The following CLSTN1 variants were observed in gnomAD, a reference collection of about 807,000 sequenced individuals.
The protein encoded by CLSTN1 is calsyntenin 1.
CLSTN1 carries 28 observed loss-of-function variants against 108.3 expected under a neutral mutation model. The ratio of observed to expected loss-of-function variants is 0.26; its 90% CI spans 0.19 to 0.35. The LOEUF (loss-of-function observed/expected upper bound fraction) is 0.35, where lower values mean the gene tolerates loss of function less well. Among genes scored for constraint, CLSTN1 ranks in the 10% least tolerant of loss-of-function variants. The pLI, the probability that CLSTN1 is intolerant of heterozygous loss-of-function variation, is 1.00. For missense variants in CLSTN1, 1,157 were observed against 1,302.6 expected (o/e 0.89, Z 1.72); for synonymous variants, 524 against 534.9 (o/e 0.98, Z 0.28).
At chr1:9,735,685 C>G in intron 12 of CLSTN1, 70 bp from the exon 13 acceptor site, 1 of 1,594,448 alleles carries the variant, frequency 6.3e-7, no homozygotes, top group South Asian at 1.1e-5. Context: ...CCACAGATGC[C>G]TCCACAAAGG....
intron 2 of CLSTN1, among the ~76,000 whole-genome samples, chr1:9,757,185 G>A (rs1465398532): frequency 6.6e-6 from 1 of 151,708 alleles, no homozygotes; most frequent in Non-Finnish European, 1.5e-5. Context: ...CTCTCAGCTA[G>A]ATTCTGGTAA....
intron 4 of CLSTN1, among the ~76,000 whole-genome samples, chr1:9,754,103 G>A (rs1331267905): frequency 2.0e-5 from 3 of 152,098 alleles, no homozygotes; most frequent in African/African-American, 7.2e-5. Context: ...CACTGCACCT[G>A]GCCAACAATG....
chr1:9,759,319 A>T (rs540950188), intron 2 of CLSTN1, among the ~76,000 whole-genome samples: 1 of 152,258 alleles, frequency 6.6e-6, no homozygotes, highest in Non-Finnish European at 1.5e-5. Flanking sequence ...TCTGTTGCCC[A>T]GGCTGGAGTG....
At chr1:9,814,653 TAATC>T (rs1462486841) in intron 1 of CLSTN1, among the ~76,000 whole-genome samples, 1 of 152,226 alleles carries the variant, frequency 6.6e-6, no homozygotes, top group East Asian at 1.9e-4. Flanking sequence ...CTCACGCCTA[TAATC>T]GCAGCACTTT....
chr1:9,776,845 CTATCATCTATCAGCATT>C lies in CLSTN1; in HGVS notation c.92-3468_92-3452del, dbSNP rs1453823669. ...TTATCTATCATCTATCAGCATTTAT[CTATCATCTATCAGCATT>C]TATCTATCTATCTATCTATCTATCT... On this transcript the variant is annotated intron_variant, in intron 1 of 18. Transcript: ENST00000377298. Among the ~76,000 whole-genome samples the C allele has an allele frequency of 1.7e-4, 26 of 149,126 alleles. No homozygotes were observed. The South Asian group carries it at 2.8e-3, about 16-fold the overall frequency.
intron 2 of CLSTN1, among the ~76,000 whole-genome samples, chr1:9,762,560 C>G (rs936484274): frequency 6.9e-6 from 1 of 145,422 alleles, no homozygotes; most frequent in African/African-American, 2.5e-5. Flanking sequence ...CGGCTCCGCT[C>G]CACTCGGCCT....
At chr1:9,733,781 T>C (rs1188897256) in intron 15 of CLSTN1, among the ~76,000 whole-genome samples, 191 bp downstream of exon 15, 1 of 152,202 alleles carries the variant, frequency 6.6e-6, no homozygotes, top group Non-Finnish European at 1.5e-5. Context: ...GAGTAGTGGC[T>C]ACACATCCGG....
At chr1:9,811,953 C>T (rs1654777050) in intron 1 of CLSTN1, among the ~76,000 whole-genome samples, 1 of 152,014 alleles carries the variant, frequency 6.6e-6, no homozygotes, top group Non-Finnish European at 1.5e-5. Flanking sequence ...CTGGCTAACA[C>T]AGTTAAACCC....
In CLSTN1 at chr1:9,795,396, C is replaced by T. The variant is rs554672683; in HGVS notation, c.92-22002G>A. On this transcript the variant is annotated intron_variant, in intron 1 of 18. Transcript: ENST00000377298. ...GGTCAGGATGGTCTGAAACTCCCAA[C>T]CTCAGGTGATCTGCCCGCCTCAGCC... Among the ~76,000 whole-genome samples the T allele has an allele frequency of 2.0e-5, 3 of 151,244 alleles. 1 individual carries two copies. The highest frequency in any genetic ancestry group is 1.3e-4 in the Admixed American group (2 of 14,884).
At chr1:9,781,576 T>C (rs1383073442) in intron 1 of CLSTN1, among the ~76,000 whole-genome samples, 1 of 151,854 alleles carries the variant, frequency 6.6e-6, no homozygotes, top group Non-Finnish European at 1.5e-5. Flanking sequence ...CCCAAGTAGC[T>C]GGGATTACAG....
chr1:9,784,172 C>CA (rs34315931), intron 1 of CLSTN1, among the ~76,000 whole-genome samples: 12,018 of 83,490 alleles, frequency 0.14, 749 homozygotes, highest in Middle Eastern at 0.2. Flanking sequence ...AACTCTATCT[C>CA]AAAAAAAAAA....
intron 1 of CLSTN1, 61 bp from the exon 2 acceptor site, chr1:9,773,455 A>T: frequency 1.4e-6 from 2 of 1,467,358 alleles, no homozygotes; most frequent in Non-Finnish European, 9.2e-7. Context: ...CAACTCCACT[A>T]CTTTTGAAGA....
chr1:9,820,517 A>T lies in CLSTN1; in HGVS notation c.91+3126T>A, dbSNP rs140459414. The stretch of plus-strand genomic sequence containing the variant: ...CTGGGTGACAGAATGAGACTCTGTC[A>T]CAAAAACAAAAACAAACAAAAAAAA... On this transcript the variant is annotated intron_variant, in intron 1 of 18. Transcript: ENST00000377298. 8.4e-3 allele frequency among the ~76,000 whole-genome samples: 1,280 copies of T among 152,128 alleles called. 19 individuals are homozygous for T. The highest frequency in any genetic ancestry group is 0.043 in the East Asian group (223 of 5,176).
At chr1:9,778,298 T>C (rs1409428544) in intron 1 of CLSTN1, among the ~76,000 whole-genome samples, 1 of 151,338 alleles carries the variant, frequency 6.6e-6, no homozygotes. Flanking sequence ...GCCTTTTCAT[T>C]CTCTAATTCC....
At chr1:9,801,520 T>C (rs1274599859) in intron 1 of CLSTN1, among the ~76,000 whole-genome samples, 1 of 152,194 alleles carries the variant, frequency 6.6e-6, no homozygotes, top group Non-Finnish European at 1.5e-5. Flanking sequence ...GCAAAGGGAA[T>C]ACTTCCTAAC....
rs1652102634 is a variant in CLSTN1, at chr1:9,762,096, A to AG, written c.215-5587dup. 5.3e-5 allele frequency among the ~76,000 whole-genome samples: 8 copies of AG among 152,256 alleles called. No individual in the cohort carries two copies. The South Asian group carries it at 1.5e-3, about 28-fold the overall frequency. On this transcript the variant is annotated intron_variant, in intron 2 of 18. Coordinates refer to ENST00000377298, the MANE Select transcript of CLSTN1 (RefSeq NM_001009566.3). ...GGGAGGGGCACCTGTTCACTTGGCT[A>AG]GGGGAAGCTGGGTAACAGGTTGTAG... is the stretch of plus-strand genomic sequence containing the variant.
At chr1:9,737,670 C>T in intron 10 of CLSTN1, 116 bp from the exon 11 acceptor site, 1 of 862,164 alleles carries the variant, frequency 1.2e-6, no homozygotes, top group South Asian at 1.5e-5. Flanking sequence ...AGAAAATTCC[C>T]TCGTGATCCC....
chr1:9,734,174 T>C lies in CLSTN1; in HGVS notation c.2111-32A>G. ...AAGAGGCCCAACCAGAAATATTAAG[T>C]AGGGGCAGTGGGGCCCAGCGTGGCG... On this transcript the variant is annotated intron_variant, in intron 14 of 18. Coordinates refer to ENST00000377298, the MANE Select transcript of CLSTN1 (RefSeq NM_001009566.3). The surrounding 1 kb of genome is among the most constrained non-coding windows in gnomAD (Gnocchi z 4.8). 2 of 1,610,656 alleles carry C rather than the reference T, an allele frequency of 1.2e-6. No individual in the cohort carries two copies. Among genetic ancestry groups the C allele is most frequent in the African/African-American group, 1.3e-5 (1 of 74,964 alleles).
chr1:9,789,674 G>A (rs1282176940), intron 1 of CLSTN1, among the ~76,000 whole-genome samples: 1 of 151,394 alleles, frequency 6.6e-6, no homozygotes, highest in Non-Finnish European at 1.5e-5. Context: ...GTCCAATAGA[G>A]CTTAAAGGTA....
Sources: gnomAD v4.1 joint callset for allele counts (sites outside exome capture counted in the v4.1 genomes callset) on GRCh38, gnomAD v4.1.1 for gene constraint, Gnocchi (gnomAD v3.1) non-coding constraint, MANE v1.5 for transcripts, NCBI Gene and HGNC (gene_info 2026-07-23, HGNC 2026-07-21) for gene names.